The following SYNPO variants were observed in gnomAD, a reference collection of about 807,000 sequenced individuals.
SYNPO encodes synaptopodin.
A neutral mutation model predicts 49.5 loss-of-function variants in SYNPO; 19 were observed. The ratio of observed to expected loss-of-function variants is 0.38; its 90% CI spans 0.27 to 0.56. The LOEUF (loss-of-function observed/expected upper bound fraction) is 0.56, where lower values mean the gene tolerates loss of function less well. Among genes scored for constraint, SYNPO ranks in the 20% least tolerant of loss-of-function variants. The pLI, the probability that SYNPO is intolerant of heterozygous loss-of-function variation, is 0.68. For missense variants in SYNPO, 1,131 were observed against 1,248.3 expected (o/e 0.91, Z 1.42); for synonymous variants, 536 against 548.0 (o/e 0.98, Z 0.31).
At position 150,656,898 on chromosome 5, in the gene SYNPO, G is replaced by A. The variant is rs756896114; in HGVS notation, c.2523G>A (p.Pro841=). 1.0e-4 allele frequency: 162 copies of A among 1,575,500 alleles called. No individual in the cohort carries two copies. Among genetic ancestry groups the A allele is most frequent in the Non-Finnish European group, 1.4e-4 (159 of 1,161,802 alleles). The change falls in exon 3 of 3, where the codon CCG becomes CCA. Residue 841 remains proline (P), a synonymous_variant. Coordinates refer to ENST00000307662, the MANE Select transcript of SYNPO (RefSeq NM_007286.6). ...GPSSCTSPRS[P]LPAPPRPFLY... ...CGTCCTGCACCAGTCCCCGGAGCCC[G>A]CTGCCCGCGCCTCCCAGGCCCTTCC...
intron 1 of SYNPO, among the ~76,000 whole-genome samples, chr5:150,616,221 G>A (rs939528425): frequency 3.1e-4 from 47 of 152,234 alleles, no homozygotes; most frequent in African/African-American, 9.4e-4. Context: ...GCCTGCTGCA[G>A]TGGGAGGTGC....
intron 2 of SYNPO, chr5:150,650,599 G>T (rs940381112): frequency 7.7e-5 from 111 of 1,450,360 alleles, no homozygotes; most frequent in Non-Finnish European, 1.0e-4. Context: ...CTGTCTGGCA[G>T]CCCTGATGCG....
intron 2 of SYNPO, among the ~76,000 whole-genome samples, chr5:150,625,772 G>A (rs1260330778): frequency 1.3e-5 from 2 of 151,974 alleles, no homozygotes; most frequent in Admixed American, 6.5e-5. Flanking sequence ...GGCGTATTCC[G>A]GAAGGTGCCA....
In SYNPO at chr5:150,649,016, GC is replaced by G; in HGVS notation, c.743del (p.Pro248GlnfsTer13). 1 of 1,614,218 alleles carries G rather than the reference GC, an allele frequency of 6.2e-7. No individual in the cohort carries two copies. ...CGGCCAGGCCTTTTGGGATCCAGGCGCCAGGGGGCACCAGCCAGATGGAGAG... is the reference window on the plus strand; with the variant it reads ...CGGCCAGGCCTTTTGGGATCCAGGCGCAGGGGGCACCAGCCAGATGGAGAG... ...RTARPFGIQA[P>X]GGTSQMERSP... On this transcript the variant is annotated frameshift_variant, in exon 2 of 3. Transcript: ENST00000307662. LOFTEE classifies it high-confidence loss of function.
chr5:150,619,275 A>C (rs10053467), intron 2 of SYNPO, among the ~76,000 whole-genome samples: 16,086 of 152,016 alleles, frequency 0.11, 2,033 homozygotes, highest in African/African-American at 0.29. Flanking sequence ...CCCCAATTTT[A>C]CAGGTGGGGA....
At chr5:150,650,689 G>A in intron 2 of SYNPO, 3 of 1,398,434 alleles carry the variant, frequency 2.1e-6, no homozygotes, top group Non-Finnish European at 2.8e-6. Flanking sequence ...GAGTGGCCTA[G>A]AAGGGGATCC....
At chr5:150,597,316 T>C (rs560473775), upstream of SYNPO, among the ~76,000 whole-genome samples, 1 of 152,148 alleles carries the variant, frequency 6.6e-6, no homozygotes, top group South Asian at 2.1e-4. Flanking sequence ...CTAAATTTGG[T>C]TTTGTTGTTT....
chr5:150,656,932 C>G lies in SYNPO; in HGVS notation c.2557C>G (p.Arg853Gly), dbSNP rs781459580. Residue 853 changes from arginine (R) to glycine (G), a missense_variant, in exon 3 of 3, where the codon CGC becomes GGC. Coordinates refer to ENST00000307662, the MANE Select transcript of SYNPO (RefSeq NM_007286.6). ...PAPPRPFLYR[R>G]SPTDSDVSLD... ...GCCTCCCAGGCCCTTCCTCTACCGC[C>G]GCTCGCCCACGGACTCCGACGTGTC... is the stretch of plus-strand genomic sequence containing the variant. 1 of 1,580,836 alleles carries G rather than the reference C, an allele frequency of 6.3e-7. No homozygotes were observed. Among genetic ancestry groups the G allele is most frequent in the East Asian group, 2.3e-5 (1 of 42,750 alleles).
chr5:150,607,326 G>A (rs923477663), intron 1 of SYNPO, among the ~76,000 whole-genome samples: 1 of 152,220 alleles, frequency 6.6e-6, no homozygotes, highest in African/African-American at 2.4e-5. Flanking sequence ...CCAGAGTGAA[G>A]GAGGTTATGG....
intron 2 of SYNPO, among the ~76,000 whole-genome samples, chr5:150,620,733 G>A (rs1351499034): frequency 6.6e-6 from 1 of 152,156 alleles, no homozygotes; most frequent in Non-Finnish European, 1.5e-5. Context: ...GTACTCTCAA[G>A]GCAGGCAGGT....
chr5:150,609,786 C>CGGCGGG (rs556541438), intron 1 of SYNPO, among the ~76,000 whole-genome samples: 13 of 105,358 alleles, frequency 1.2e-4, no homozygotes, highest in African/African-American at 4.8e-4. Flanking sequence ...GTGAATGTGG[C>CGGCGGG]GGGGGGGGGC....
chr5:150,618,914 G>C, intron 2 of SYNPO: 1 of 1,058,692 alleles, frequency 9.4e-7, no homozygotes, highest in Non-Finnish European at 1.4e-6. Flanking sequence ...CAGCTGTGGA[G>C]AGATAGGAGC....
intron 1 of SYNPO, among the ~76,000 whole-genome samples, chr5:150,609,708 T>C (rs1756791249): frequency 6.9e-6 from 1 of 145,970 alleles, no homozygotes; most frequent in Non-Finnish European, 1.5e-5. Context: ...AAGTTTACTA[T>C]AGAAACCGAA....
chr5:150,589,720 A>T, the SYNPO span, among the ~76,000 whole-genome samples: 1 of 152,242 alleles, frequency 6.6e-6, no homozygotes, highest in Non-Finnish European at 1.5e-5. Flanking sequence ...ATTTGGCAGG[A>T]GGTAGAAAGA....
At chr5:150,652,119 C>A (rs777093712) in intron 2 of SYNPO, 4 of 1,001,584 alleles carry the variant, frequency 4.0e-6, no homozygotes, top group Admixed American at 6.1e-5. Flanking sequence ...TCACACAGAT[C>A]GAGGGGGTAT....
chr5:150,596,567 C>G (rs1756428419), upstream of SYNPO, among the ~76,000 whole-genome samples: 1 of 152,164 alleles, frequency 6.6e-6, no homozygotes, highest in African/African-American at 2.4e-5. Flanking sequence ...GAATTTACCC[C>G]CCAAGGCAAC....
At position 150,650,286 on chromosome 5, in the gene SYNPO, G is replaced by T. The variant is rs371550943; in HGVS notation, c.2011G>T (p.Ala671Ser). 1.2e-6 allele frequency: 2 copies of T among 1,614,112 alleles called. No individual in the cohort carries two copies. The highest frequency in any genetic ancestry group is 1.3e-5 in the African/African-American group (1 of 75,048). ...CAGGCCCTCCTTCTCTACCCGGAAC[G>T]CCGGGATCGAGGCTCAGGTGTGGAA... is the stretch of plus-strand genomic sequence containing the variant. The part of the protein sequence containing the change: ...APRPSFSTRN[A>S]GIEAQDRRES... The change falls in exon 2 of 3, where the codon GCC becomes TCC. Residue 671 changes from alanine to serine, a missense_variant. Ala to Ser is a moderately conservative substitution (Grantham distance 99). Coordinates refer to ENST00000307662, the MANE Select transcript of SYNPO (RefSeq NM_007286.6).
rs148214121 is a variant in SYNPO, at chr5:150,623,845, C to T, written c.400+5078C>T. On this transcript the variant is annotated intron_variant, in intron 2 of 2. Coordinates refer to the SYNPO transcript ENST00000394243. ...ACCCTGGTCAAGGGGGTGGGGAACC[C>T]GGGGAAACTTCGGTGAAAACCTAGA... Among the ~76,000 whole-genome samples the T allele has an allele frequency of 4.6e-5, 7 of 152,270 alleles. No homozygotes were observed. The East Asian group carries it at 9.6e-4, about 21-fold the overall frequency.
At chr5:150,656,274 C>A in intron 2 of SYNPO, 130 bp from the exon 3 acceptor site, 1 of 705,282 alleles carries the variant, frequency 1.4e-6, no homozygotes, top group Non-Finnish European at 2.2e-6. Flanking sequence ...TTATTGCAGG[C>A]ACTACCTGAC....
Sources: gnomAD v4.1 joint callset for allele counts (sites outside exome capture counted in the v4.1 genomes callset) on GRCh38, gnomAD v4.1.1 for gene constraint, MANE v1.5 for transcripts, NCBI Gene and HGNC (gene_info 2026-07-23, HGNC 2026-07-21) for gene names.